HS3ST4: variants seen among roughly 807,000 people sequenced by gnomAD.
HS3ST4 encodes heparan sulfate-glucosamine 3-sulfotransferase 4, also known as heparan sulfate glucosamine 3-O-sulfotransferase 4.
Under a neutral mutation model 29.2 loss-of-function variants are expected in HS3ST4, and 17 were observed. The observed-to-expected ratio is 0.58, with a 90% CI of 0.40 to 0.87. The LOEUF (loss-of-function observed/expected upper bound fraction) is 0.87, where lower values mean the gene tolerates loss of function less well. HS3ST4 is among the 40% of genes least tolerant of loss of function. The pLI, the probability that HS3ST4 is intolerant of heterozygous loss-of-function variation, is 0.00. For missense variants in HS3ST4, 627 were observed against 634.5 expected, an observed-to-expected ratio of 0.99 and a Z score of 0.13; for synonymous variants, 314 against 285.7, an observed-to-expected ratio of 1.10 and a Z score of -1.00.
chr16:26,046,852 C>G (rs1898274504), intron 1 of HS3ST4, among the ~76,000 whole-genome samples: 1 of 152,050 alleles, frequency 6.6e-6, no homozygotes, highest in Non-Finnish European at 1.5e-5. Flanking sequence ...GTTAGTATTC[C>G]CATTTGACAG....
intron 1 of HS3ST4, among the ~76,000 whole-genome samples, chr16:25,730,014 A>G (rs1187071869): frequency 6.6e-6 from 1 of 152,184 alleles, no homozygotes; most frequent in Non-Finnish European, 1.5e-5. Flanking sequence ...ATCTGTTTAA[A>G]TCTCTTCCAG....
intron 1 of HS3ST4, among the ~76,000 whole-genome samples, chr16:25,981,068 A>G (rs1291065115): frequency 6.6e-6 from 1 of 152,208 alleles, no homozygotes; most frequent in African/African-American, 2.4e-5. Flanking sequence ...TAAAGAAGGT[A>G]GTTTAGAGGC....
At chr16:25,962,816 G>C (rs1286983144) in intron 1 of HS3ST4, among the ~76,000 whole-genome samples, 3 of 152,150 alleles carry the variant, frequency 2.0e-5, no homozygotes, top group African/African-American at 7.2e-5. Context: ...GGTGTCATTT[G>C]CAAGCACCAA....
chr16:25,838,655 T>G (rs1967384658), intron 1 of HS3ST4, among the ~76,000 whole-genome samples: 1 of 152,180 alleles, frequency 6.6e-6, no homozygotes, highest in African/African-American at 2.4e-5. Context: ...ACCAGTCCCT[T>G]CTAAGTCTTT....
chr16:25,813,415 T>C (rs994424088), intron 1 of HS3ST4, among the ~76,000 whole-genome samples: 10 of 151,802 alleles, frequency 6.6e-5, no homozygotes, highest in Admixed American at 6.6e-4. Flanking sequence ...ACTTGAGGCA[T>C]GGAGAAACCC....
At chr16:26,125,181 G>T (rs1418731198) in intron 1 of HS3ST4, among the ~76,000 whole-genome samples, 1 of 152,160 alleles carries the variant, frequency 6.6e-6, no homozygotes, top group Non-Finnish European at 1.5e-5. Flanking sequence ...TGTTTATGAT[G>T]ATATCTTCAG....
chr16:25,835,740 G>A (rs1357561417), intron 1 of HS3ST4, among the ~76,000 whole-genome samples: 2 of 152,198 alleles, frequency 1.3e-5, no homozygotes, highest in African/African-American at 4.8e-5. Context: ...AGAAAAATGT[G>A]TTGTGACTTG....
intron 1 of HS3ST4, among the ~76,000 whole-genome samples, chr16:25,849,490 C>T (rs758071554): frequency 2.0e-5 from 3 of 151,954 alleles, no homozygotes; most frequent in Non-Finnish European, 4.4e-5. Flanking sequence ...TTCTTTAGCG[C>T]TTCTTTTTCT....
In HS3ST4 at chr16:26,056,417, A is replaced by G. The variant is rs577915958; in HGVS notation, c.735-79195A>G. 2.6e-5 allele frequency among the ~76,000 whole-genome samples: 4 copies of G among 152,356 alleles called. No individual in the cohort carries two copies. In the South Asian group the frequency reaches 8.3e-4, roughly 32 times the overall value. ...TTATTTTGGTGGTAATTACCCCATCAGAGTCCAAAGCTTCAAGACAGTCTC... is the reference window on the plus strand; with the variant it reads ...TTATTTTGGTGGTAATTACCCCATCGGAGTCCAAAGCTTCAAGACAGTCTC... On this transcript the variant is annotated intron_variant, in intron 1 of 1. Coordinates refer to ENST00000331351, the MANE Select transcript of HS3ST4 (RefSeq NM_006040.3).
intron 1 of HS3ST4, among the ~76,000 whole-genome samples, chr16:25,893,849 A>G (rs912597741): frequency 2.0e-5 from 3 of 152,212 alleles, no homozygotes; most frequent in Non-Finnish European, 4.4e-5. Flanking sequence ...TGAACATCCC[A>G]TCCCCGTTTA....
intron 1 of HS3ST4, among the ~76,000 whole-genome samples, chr16:25,930,066 T>C (rs1189067316): frequency 6.6e-6 from 1 of 152,226 alleles, no homozygotes; most frequent in Admixed American, 6.5e-5. Flanking sequence ...TTTGGTTCTC[T>C]GTTCCTGTGT....
At chr16:26,057,780 C>G (rs1898427322) in intron 1 of HS3ST4, among the ~76,000 whole-genome samples, 1 of 150,244 alleles carries the variant, frequency 6.7e-6, no homozygotes, top group Non-Finnish European at 1.5e-5. Flanking sequence ...TAGTGCATTT[C>G]TTGCCAAGCA....
intron 1 of HS3ST4, among the ~76,000 whole-genome samples, chr16:25,838,931 A>G: frequency 6.6e-6 from 1 of 152,190 alleles, no homozygotes; most frequent in Non-Finnish European, 1.5e-5. Flanking sequence ...TACATAAATA[A>G]AATGAAATCA....
intron 1 of HS3ST4, among the ~76,000 whole-genome samples, chr16:25,884,100 C>T (rs1390325281): frequency 6.6e-6 from 1 of 150,488 alleles, no homozygotes; most frequent in East Asian, 1.9e-4. Flanking sequence ...GTGACAAGAG[C>T]GAGACTCTGT....
At chr16:26,026,348 C>T (rs1256178080) in intron 1 of HS3ST4, among the ~76,000 whole-genome samples, 1 of 152,148 alleles carries the variant, frequency 6.6e-6, no homozygotes, top group African/African-American at 2.4e-5. Flanking sequence ...TCTGGTGCAT[C>T]AGTTTACACC....
At chr16:26,012,180 A>G (rs975933964) in intron 1 of HS3ST4, among the ~76,000 whole-genome samples, 1 of 152,208 alleles carries the variant, frequency 6.6e-6, no homozygotes, top group Admixed American at 6.6e-5. Flanking sequence ...TTTTACCATA[A>G]AACAAGGAAA....
At chr16:25,931,802 G>A (rs1968466540) in intron 1 of HS3ST4, among the ~76,000 whole-genome samples, 1 of 152,164 alleles carries the variant, frequency 6.6e-6, no homozygotes, top group African/African-American at 2.4e-5. Flanking sequence ...TAATTTATGT[G>A]TAATGTGTAG....
At chr16:25,978,938 T>TTTTG (rs1323119826) in intron 1 of HS3ST4, among the ~76,000 whole-genome samples, 4 of 49,670 alleles carry the variant, frequency 8.1e-5, no homozygotes, top group African/African-American at 3.7e-4. Flanking sequence ...TTCTTTCTCT[T>TTTTG]TTTGTTTTTT....
chr16:25,883,275 A>C (rs1209576823), intron 1 of HS3ST4, among the ~76,000 whole-genome samples: 3 of 151,920 alleles, frequency 2.0e-5, no homozygotes, highest in Admixed American at 2.0e-4. Context: ...CTTGAAACTC[A>C]AAAAGCCTTT....
Sources: gnomAD v4.1 joint callset for allele counts (sites outside exome capture counted in the v4.1 genomes callset) on GRCh38, gnomAD v4.1.1 for gene constraint, MANE v1.5 for transcripts, NCBI Gene and HGNC (gene_info 2026-07-23, HGNC 2026-07-21) for gene names.